Variants in ST14 observed in about 807,000 individuals in gnomAD.
ST14 encodes suppressor of tumorigenicity 14 protein.
In ST14, 40 loss-of-function variants were observed where a neutral mutation model predicts 96.5. The ratio of observed to expected loss-of-function variants is 0.41; its 90% CI spans 0.32 to 0.54. ST14 has a LOEUF of 0.54. Ranked by LOEUF, ST14 falls within the 20% of genes least tolerant of loss-of-function variation. The pLI is 0.17. For synonymous variants in ST14, 506 were observed against 492.1 expected, an observed-to-expected ratio of 1.03 and a Z score of -0.37; for missense variants, 1,066 against 1,188.9, an observed-to-expected ratio of 0.90 and a Z score of 1.52.
rs1271672643 is a variant in ST14 at position 130,194,381 on chromosome 11, C to T, written c.1015+93C>T. 2.6e-6 allele frequency: 4 copies of T among 1,544,422 alleles called. No homozygotes were observed. In the African/African-American group the frequency reaches 4.1e-5, roughly 16 times the overall value. On this transcript the variant is annotated intron_variant, in intron 8 of 18. Transcript: ENST00000278742. Reference sequence around the variant, plus strand: ...TGACCTGAGCTTAGGAGGCCACAGGCTAGACCCTGTGGTTGGCGAGCTGGC... The same window carrying T: ...TGACCTGAGCTTAGGAGGCCACAGGTTAGACCCTGTGGTTGGCGAGCTGGC...
chr11:130,196,510 ACC>A, intron 10 of ST14, 58 bp from the exon 11 acceptor site: 1 of 1,568,052 alleles, frequency 6.4e-7, no homozygotes, highest in South Asian at 1.1e-5. Flanking sequence ...GTCCCACCAG[ACC>A]CCCAGCCCCC....
chr11:130,207,546 G>A (rs1022817319), intron 16 of ST14, among the ~76,000 whole-genome samples: 9 of 152,116 alleles, frequency 5.9e-5, no homozygotes, highest in South Asian at 2.1e-4. Context: ...GTGAGACTTC[G>A]TCTCAAAAAA....
intron 6 of ST14, 113 bp from the exon 7 acceptor site, chr11:130,190,341 G>C: frequency 6.4e-7 from 1 of 1,554,706 alleles, no homozygotes; most frequent in Non-Finnish European, 8.7e-7. Context: ...GGGCAGCCTG[G>C]GGCGTCTCGA....
At chr11:130,161,510 T>C (rs1952998400) in intron 1 of ST14, among the ~76,000 whole-genome samples, 1 of 152,160 alleles carries the variant, frequency 6.6e-6, no homozygotes, top group South Asian at 2.1e-4. Flanking sequence ...GTCTTCCTGG[T>C]CGTGTGGTCC....
chr11:130,195,895 G>A (rs1327904463), intron 9 of ST14, among the ~76,000 whole-genome samples: 1 of 150,060 alleles, frequency 6.7e-6, no homozygotes, highest in Non-Finnish European at 1.5e-5. Context: ...GGTGGCTCGT[G>A]CCTGTAATCC....
intron 16 of ST14, among the ~76,000 whole-genome samples, chr11:130,207,664 G>T (rs372460662): frequency 2.0e-5 from 3 of 152,380 alleles, no homozygotes; most frequent in East Asian, 3.9e-4. Context: ...GCTCTGCAGT[G>T]CACGTGGAAA....
At position 130,188,272 on chromosome 11, in the gene ST14, G is replaced by A. The variant is rs1405192316; in HGVS notation, c.240G>A (p.Gln80=). ...TCGGCTTCCTGGTGTGGCATTTGCA[G>A]TGTGAGTAAAGCTGGGGCTGGCTCC... ...LGIGFLVWHL[Q]YRDVRVQKVF... Residue 80 remains glutamine, a splice_region_variant and synonymous_variant, in exon 2 of 19, where the codon CAG becomes CAA. Coordinates refer to ENST00000278742, the MANE Select transcript of ST14 (RefSeq NM_021978.4). This position sits in a 1 kb window ranked among gnomAD's most constrained non-coding sequence, Gnocchi z 5.4. 1 of 1,613,084 alleles carries A rather than the reference G, an allele frequency of 6.2e-7. No individual in the cohort carries two copies.
chr11:130,204,222 A>T (rs1953463307), intron 16 of ST14, among the ~76,000 whole-genome samples: 1 of 152,142 alleles, frequency 6.6e-6, no homozygotes, highest in Non-Finnish European at 1.5e-5. Flanking sequence ...TGAGTGAATG[A>T]GTTGATGGGG....
chr11:130,201,736 T>C (rs909675977), intron 16 of ST14, among the ~76,000 whole-genome samples: 6 of 152,362 alleles, frequency 3.9e-5, no homozygotes, highest in Non-Finnish European at 8.8e-5. Context: ...CATGCCACCA[T>C]GCCCAGCTAG....
At chr11:130,161,086 A>C (rs1001083145) in intron 1 of ST14, among the ~76,000 whole-genome samples, 1 of 152,058 alleles carries the variant, frequency 6.6e-6, no homozygotes, top group Non-Finnish European at 1.5e-5. Context: ...GCTGTCTCAG[A>C]TCAATTCCTT....
intron 16 of ST14, among the ~76,000 whole-genome samples, chr11:130,205,861 G>A (rs1205765058): frequency 2.0e-5 from 3 of 151,890 alleles, no homozygotes; most frequent in African/African-American, 7.3e-5. Context: ...ACCACGCCTG[G>A]CTAATTTTTG....
chr11:130,209,147 C>T (rs1953519742), intron 17 of ST14, among the ~76,000 whole-genome samples: 1 of 152,126 alleles, frequency 6.6e-6, no homozygotes, highest in South Asian at 2.1e-4. Flanking sequence ...CCTCACAGAA[C>T]CCCGCGGGCA....
At chr11:130,199,818 C>G in intron 15 of ST14, 133 bp from the exon 16 acceptor site, 1 of 1,079,766 alleles carries the variant, frequency 9.3e-7, no homozygotes, top group South Asian at 1.3e-5. Flanking sequence ...ACGCCCTGGC[C>G]ACGCCAGCAG....
chr11:130,182,458 G>C (rs1006683336), intron 1 of ST14, among the ~76,000 whole-genome samples: 4 of 151,646 alleles, frequency 2.6e-5, no homozygotes, highest in Non-Finnish European at 4.4e-5. Flanking sequence ...GAGTAGCCAG[G>C]ACTACAGGTG....
At chr11:130,186,219 G>C (rs1249483043) in intron 1 of ST14, among the ~76,000 whole-genome samples, 1 of 152,110 alleles carries the variant, frequency 6.6e-6, no homozygotes, top group South Asian at 2.1e-4. Context: ...AACATGCAAA[G>C]TATCAAAAAA....
intron 7 of ST14, 113 bp downstream of exon 7, chr11:130,190,807 C>A (rs1174982274): frequency 2.3e-6 from 3 of 1,325,338 alleles, no homozygotes; most frequent in Non-Finnish European, 3.0e-6. Flanking sequence ...CAGGCCACTG[C>A]TAAACATCCA....
chr11:130,167,893 T>C (rs1246077617), intron 1 of ST14, among the ~76,000 whole-genome samples: 1 of 152,192 alleles, frequency 6.6e-6, no homozygotes, highest in East Asian at 1.9e-4. Flanking sequence ...TTTTGTATTT[T>C]TAGTAGAGAT....
At position 130,209,459 on chromosome 11, in the gene ST14, C is replaced by T. The variant is rs1953525202; in HGVS notation, c.2287C>T (p.Leu763=). 6.3e-7 allele frequency: 1 copy of T among 1,586,048 alleles called. No individual in the cohort carries two copies. The highest frequency in any genetic ancestry group is 1.3e-5 in the African/African-American group (1 of 74,712). The change falls in exon 18 of 19, where the codon CTG becomes TTG. Residue 763 remains leucine, a synonymous_variant. Transcript: ENST00000278742. ...TQYGGTGALI[L]QKGEIRVINQ... ...CTCCCCAGGCACTGGCGCGCTGATC[C>T]TGCAAAAGGGTGAGATCCGCGTCAT...
intron 7 of ST14, among the ~76,000 whole-genome samples, chr11:130,190,989 TG>T (rs1953292458): frequency 6.6e-6 from 1 of 152,148 alleles, no homozygotes; most frequent in South Asian, 2.1e-4. Context: ...TGCCCACGGT[TG>T]TAAAATGTAG....
Sources: allele counts gnomAD v4.1 joint callset (sites outside exome capture counted in the v4.1 genomes callset), GRCh38; gene constraint gnomAD v4.1.1; non-coding constraint Gnocchi (gnomAD v3.1); transcripts MANE v1.5; gene names NCBI Gene and HGNC (gene_info 2026-07-23, HGNC 2026-07-21).